Variants in FBXL2 observed in about 807,000 individuals in gnomAD.
FBXL2 encodes the protein F-box/LRR-repeat protein 2.
A neutral mutation model predicts 69.2 loss-of-function variants in FBXL2; 38 were observed. The ratio of observed to expected loss-of-function variants is 0.55; its 90% CI spans 0.42 to 0.72. The LOEUF (loss-of-function observed/expected upper bound fraction) is 0.72, where lower values mean the gene tolerates loss of function less well. FBXL2 is among the 30% of genes least tolerant of loss of function. The pLI is 0.00. For synonymous variants in FBXL2, 192 were observed against 201.3 expected (o/e 0.95, Z 0.39); for missense variants, 354 against 520.3 (o/e 0.68, Z 3.11).
chr3:33,422,349 T>C, the FBXL2 span, among the ~76,000 whole-genome samples: 1 of 151,720 alleles, frequency 6.6e-6, no homozygotes, highest in African/African-American at 2.4e-5. Context: ...AAAAACAGCC[T>C]GGGCAACATA....
At chr3:33,279,273 CT>C (rs1013591676) in intron 1 of FBXL2, among the ~76,000 whole-genome samples, 320 of 142,142 alleles carry the variant, frequency 2.3e-3, no homozygotes, top group Middle Eastern at 3.7e-3. Context: ...AAACTGTATT[CT>C]TTTTTTTTTT....
intron 2 of FBXL2, among the ~76,000 whole-genome samples, chr3:33,316,481 A>G (rs1240789807): frequency 6.6e-6 from 1 of 152,204 alleles, no homozygotes; most frequent in Non-Finnish European, 1.5e-5. Flanking sequence ...AGAATGCTTC[A>G]GCCCCTTTTA....
chr3:33,323,233 A>G (rs945789363), intron 2 of FBXL2, among the ~76,000 whole-genome samples: 1 of 152,134 alleles, frequency 6.6e-6, no homozygotes, highest in Non-Finnish European at 1.5e-5. Context: ...CTCCAGCTTC[A>G]TGGTGCAGTT....
the FBXL2 span, among the ~76,000 whole-genome samples, chr3:33,417,186 T>G: frequency 6.6e-6 from 1 of 152,216 alleles, no homozygotes; most frequent in African/African-American, 2.4e-5. Context: ...TGTAAATCAT[T>G]GGTTTTCAGT....
intron 1 of FBXL2, among the ~76,000 whole-genome samples, chr3:33,292,067 A>G (rs976448091): frequency 2.6e-5 from 4 of 152,210 alleles, no homozygotes; most frequent in African/African-American, 9.6e-5. Context: ...AGGATCATCT[A>G]TAATAATCAA....
rs906204437 is a variant in FBXL2, at chr3:33,284,018, T to G, written c.3+6503T>G. Among the ~76,000 whole-genome samples, 10 of 152,208 alleles carry G rather than the reference T, an allele frequency of 6.6e-5. No homozygotes were observed. The East Asian group carries it at 9.6e-4, about 15-fold the overall frequency. On this transcript the variant is annotated intron_variant, in intron 1 of 14. Transcript: ENST00000484457. ...AAACCGACTCCTGGATTCTTTGATT[T>G]TTTTGAAGGGTTTTTTGTGTCTCTA...
At chr3:33,305,461 ACTACATAT>A (rs1428770976) in intron 2 of FBXL2, among the ~76,000 whole-genome samples, 1 of 151,918 alleles carries the variant, frequency 6.6e-6, no homozygotes, top group Non-Finnish European at 1.5e-5. Context: ...GTGTGTCAAT[ACTACATAT>A]TTGGTAAGGC....
chr3:33,415,667 G>A, the FBXL2 span, among the ~76,000 whole-genome samples: 2,107 of 151,800 alleles, frequency 0.014, 22 homozygotes, highest in South Asian at 0.027. Flanking sequence ...AAAGACCTCA[G>A]TATAGGGCCC....
downstream of FBXL2, among the ~76,000 whole-genome samples, chr3:33,406,681 G>A (rs992835303): frequency 1.3e-5 from 2 of 152,188 alleles, no homozygotes; most frequent in South Asian, 2.1e-4. Flanking sequence ...AGCAAGCGAT[G>A]GTGCAGTGCC....
rs537864088 is a variant in FBXL2 at position 33,279,240 on chromosome 3, G to A, written c.3+1725G>A. Reference sequence around the variant, plus strand: ...GTACAGGAGGGAGAGGGATGAAGCGGCTGCATATATATGTCATCCCCAAAA... The same window carrying A: ...GTACAGGAGGGAGAGGGATGAAGCGACTGCATATATATGTCATCCCCAAAA... On this transcript the variant is annotated intron_variant, in intron 1 of 14. Coordinates refer to ENST00000484457, the MANE Select transcript of FBXL2 (RefSeq NM_012157.5). Among the ~76,000 whole-genome samples the A allele has an allele frequency of 3.4e-4, 52 of 152,112 alleles. No homozygotes were observed. In the East Asian group the frequency reaches 9.1e-3, roughly 27 times the overall value.
chr3:33,278,213 T>C (rs1559475354), intron 1 of FBXL2: 1 of 152,198 alleles, frequency 6.6e-6, no homozygotes, highest in Non-Finnish European at 1.5e-5. Flanking sequence ...CTGGCCCCCT[T>C]TAAGCTCGTT....
intron 2 of FBXL2, among the ~76,000 whole-genome samples, chr3:33,301,703 A>G (rs1260055088): frequency 6.6e-6 from 1 of 152,202 alleles, no homozygotes; most frequent in Admixed American, 6.5e-5. Context: ...TTGCTCTCAC[A>G]TAGCCCAACA....
intron 1 of FBXL2, among the ~76,000 whole-genome samples, chr3:33,281,935 T>G (rs1434975521): frequency 2.6e-5 from 4 of 152,258 alleles, no homozygotes. Flanking sequence ...ATTTGTAGAT[T>G]CTGGATATTA....
At chr3:33,317,408 C>G (rs2037803588) in intron 2 of FBXL2, 1 of 454,632 alleles carries the variant, frequency 2.2e-6, no homozygotes, top group Admixed American at 2.4e-5. Flanking sequence ...TCCTCTCCAT[C>G]AGATCTGGAT....
chr3:33,340,084 GTAA>G (rs2125852517), intron 2 of FBXL2, among the ~76,000 whole-genome samples: 1 of 152,234 alleles, frequency 6.6e-6, no homozygotes, highest in South Asian at 2.1e-4. Flanking sequence ...TTAATCTATG[GTAA>G]TAAAATTCAG....
chr3:33,315,523 C>T (rs988594212), intron 2 of FBXL2, among the ~76,000 whole-genome samples: 1 of 151,660 alleles, frequency 6.6e-6, no homozygotes, highest in Non-Finnish European at 1.5e-5. Flanking sequence ...GAACAGGGTC[C>T]CTAAGAGGGT....
chr3:33,384,730 T>A (rs1326546572), intron 14 of FBXL2, among the ~76,000 whole-genome samples: 1 of 151,892 alleles, frequency 6.6e-6, no homozygotes, highest in East Asian at 2.0e-4. Flanking sequence ...AGTCTGGTGA[T>A]CGTAGCCCTT....
intron 13 of FBXL2, among the ~76,000 whole-genome samples, chr3:33,380,555 TAA>T (rs57394351): frequency 0.1 from 9,742 of 97,256 alleles, 402 homozygotes; most frequent in South Asian, 0.15. Context: ...CAAAACTCCA[TAA>T]AAAAAAAAAA....
chr3:33,371,481 T>C (rs922695635), intron 5 of FBXL2, among the ~76,000 whole-genome samples: 2 of 152,092 alleles, frequency 1.3e-5, no homozygotes, highest in African/African-American at 4.8e-5. Context: ...GGTTTTCATA[T>C]CTAAAAGTTT....
Sources: gnomAD v4.1 joint callset for allele counts (sites outside exome capture counted in the v4.1 genomes callset) on GRCh38, gnomAD v4.1.1 for gene constraint, MANE v1.5 for transcripts, NCBI Gene and HGNC (gene_info 2026-07-23, HGNC 2026-07-21) for gene names.